Variants in AR observed in about 807,000 individuals in gnomAD.
AR encodes the protein dihydrotestosterone receptor.
A neutral mutation model predicts 53.9 loss-of-function variants in AR; 8 were observed. The observed-to-expected ratio is 0.15, with a 90% CI of 0.09 to 0.27. The LOEUF is 0.27. Ranked by LOEUF, AR falls within the 10% of genes least tolerant of loss-of-function variation. The probability of loss-of-function intolerance (pLI) is 1.00; values close to 1 mark genes in which losing one functional copy is unlikely to be tolerated. For synonymous variants in AR, 359 were observed against 316.4 expected, an observed-to-expected ratio of 1.13 and a Z score of -1.43; for missense variants, 639 against 742.5, an observed-to-expected ratio of 0.86 and a Z score of 1.62.
At chrX:67,710,368 A>T (rs1305442963) in intron 3 of AR, among the ~76,000 whole-genome samples, 1 of 111,305 alleles carries the variant, frequency 9.0e-6, no homozygotes, top group Non-Finnish European at 1.9e-5. Context: ...CACCCAGGCT[A>T]GAGCATCAGT....
rs7065472 is a variant in AR at position 67,711,773 on chromosome X, C to T, written c.2173+84C>T. On this transcript the variant is annotated intron_variant, in intron 4 of 7. Transcript: ENST00000374690. ...TATGGACCAGCCACCATGTCTGGTGCTTTTCTGCCCATTAACTCAGGCAGT... is the reference window on the plus strand; with the variant it reads ...TATGGACCAGCCACCATGTCTGGTGTTTTTCTGCCCATTAACTCAGGCAGT... 352 of 984,166 alleles carry T rather than the reference C, an allele frequency of 3.6e-4. 1 individual carries two copies. The African/African-American group carries it at 6.0e-3, about 17-fold the overall frequency. 81.1% of individuals were successfully genotyped at this position (984,166 alleles called of 1,213,427 possible). A position where few individuals can be genotyped will look rare whatever the true frequency, so the allele number is the denominator to read the frequency against.
At chrX:67,674,626 C>T (rs2075888314) in intron 2 of AR, among the ~76,000 whole-genome samples, 3 of 111,714 alleles carry the variant, frequency 2.7e-5, no homozygotes, top group African/African-American at 6.5e-5. Context: ...CCAATCTTCA[C>T]TCAAGGCCCA....
chrX:67,686,528 A>C (rs1003053677), intron 3 of AR, among the ~76,000 whole-genome samples: 1 of 110,881 alleles, frequency 9.0e-6, no homozygotes, highest in Non-Finnish European at 1.9e-5. Context: ...GCATAGGCGC[A>C]GGATGACCCA....
At chrX:67,577,898 A>G (rs1165657055) in intron 1 of AR, among the ~76,000 whole-genome samples, 1 of 111,713 alleles carries the variant, frequency 9.0e-6, no homozygotes, top group African/African-American at 3.3e-5. Flanking sequence ...CTTCACAGTT[A>G]TATGATGTTT....
intron 1 of AR, among the ~76,000 whole-genome samples, chrX:67,621,586 C>G (rs778148090): frequency 1.8e-5 from 2 of 110,705 alleles, no homozygotes; most frequent in African/African-American, 3.3e-5. Context: ...TCAGCTCCCC[C>G]TTATGAGTGA....
At chrX:67,572,139 A>G (rs1921843500) in intron 1 of AR, among the ~76,000 whole-genome samples, 1 of 111,837 alleles carries the variant, frequency 8.9e-6, no homozygotes, top group South Asian at 3.7e-4. Flanking sequence ...TGGATTTTTC[A>G]TATAGTAAAA....
chrX:67,611,701 T>C (rs1334541530), intron 1 of AR, among the ~76,000 whole-genome samples: 1 of 111,671 alleles, frequency 9.0e-6, no homozygotes, highest in African/African-American at 3.3e-5. Context: ...ATGTTAGAGC[T>C]AAAAGGGACC....
Position 67,546,502 on chromosome X carries a change from T to C in AR, c.1356T>C (p.Gly452=), listed in dbSNP as rs1383661319. 5 of 786,221 alleles carry C rather than the reference T, an allele frequency of 6.4e-6. No individual in the cohort carries two copies. The highest frequency in any genetic ancestry group is 8.3e-6 in the Non-Finnish European group (5 of 599,750). 64.8% of individuals were successfully genotyped at this position (786,221 alleles called of 1,213,427 possible). A position where few individuals can be genotyped will look rare whatever the true frequency, so the allele number is the denominator to read the frequency against. Residue 452 remains glycine, a synonymous_variant, in exon 1 of 8, where the codon GGT becomes GGC. Transcript: ENST00000374690. ...EEGQLYGPCG[G]GGGGGGGGGG... ...GCCAGTTGTATGGACCGTGTGGTGG[T>C]GGTGGGGGTGGTGGCGGCGGCGGCG... is the stretch of plus-strand genomic sequence containing the variant.
chrX:67,638,327 G>T (rs749999835), intron 1 of AR, among the ~76,000 whole-genome samples: 1 of 111,576 alleles, frequency 9.0e-6, no homozygotes, highest in South Asian at 3.8e-4. Context: ...ATAATCCTTT[G>T]TTTATATACC....
chrX:67,595,236 C>T (rs1371115057), intron 1 of AR, among the ~76,000 whole-genome samples: 1 of 110,643 alleles, frequency 9.0e-6, no homozygotes, highest in Non-Finnish European at 1.9e-5. Flanking sequence ...AGAGCTGTGT[C>T]ACAGCTAATT....
intron 1 of AR, among the ~76,000 whole-genome samples, chrX:67,617,148 G>C (rs12007252): frequency 0.069 from 7,706 of 111,232 alleles, 665 homozygotes; most frequent in African/African-American, 0.24. Context: ...CTGCCTTTTT[G>C]TTTGCTCTGT....
chrX:67,645,200 A>T (rs1390867317), intron 2 of AR, among the ~76,000 whole-genome samples: 1 of 112,189 alleles, frequency 8.9e-6, no homozygotes, highest in African/African-American at 3.2e-5. Flanking sequence ...GATAGATTAG[A>T]TTATACTTGA....
intron 1 of AR, among the ~76,000 whole-genome samples, chrX:67,547,825 G>A (rs1057280081): frequency 3.6e-5 from 4 of 111,702 alleles, no homozygotes; most frequent in African/African-American, 6.5e-5. Context: ...AATGACCTAT[G>A]AGCCGTAATC....
chrX:67,648,551 T>G (rs181017223), intron 2 of AR, among the ~76,000 whole-genome samples: 1 of 111,449 alleles, frequency 9.0e-6, no homozygotes, highest in Non-Finnish European at 1.9e-5. Context: ...ATTCTGGGCC[T>G]CCCCATAACA....
chrX:67,668,701 G>A (rs1264696528), intron 2 of AR, among the ~76,000 whole-genome samples: 2 of 110,894 alleles, frequency 1.8e-5, no homozygotes, highest in African/African-American at 3.3e-5. Context: ...TTTTACTGCT[G>A]GGGAGACTTT....
At chrX:67,699,551 C>G (rs999307973) in intron 3 of AR, among the ~76,000 whole-genome samples, 2 of 111,645 alleles carry the variant, frequency 1.8e-5, no homozygotes, top group Non-Finnish European at 3.8e-5. Flanking sequence ...TCAGGTACAT[C>G]AAGAATAGCC....
intron 5 of AR, 135 bp downstream of exon 5, chrX:67,717,757 C>A: frequency 1.0e-6 from 1 of 961,161 alleles, no homozygotes; most frequent in Non-Finnish European, 1.4e-6. Flanking sequence ...CCCCAGCCAG[C>A]CAATCCAGTA....
intron 4 of AR, among the ~76,000 whole-genome samples, chrX:67,716,139 C>A (rs774243325): frequency 2.7e-5 from 3 of 111,922 alleles, no homozygotes; most frequent in Non-Finnish European, 5.6e-5. Flanking sequence ...AGTGCCCACT[C>A]AAATACGTGG....
In AR at chrX:67,724,298, A is replaced by G. The variant is rs1356413054; in HGVS notation, c.*457A>G. The G allele has an allele frequency of 2.8e-5, 5 of 178,710 alleles. No individual in the cohort carries two copies. The highest frequency in any genetic ancestry group is 5.3e-5 in the Non-Finnish European group (5 of 94,852). The allele number at this position is 178,710 out of a possible 1,213,427, so 14.7% of individuals were successfully genotyped here. A position where few individuals can be genotyped will look rare whatever the true frequency, so the allele number is the denominator to read the frequency against. On this transcript the variant is annotated 3_prime_UTR_variant, in exon 8 of 8. Transcript: ENST00000374690. ...CAAACAAAAAAAAAAAGCAAAAACA[A>G]AACAAAAAATAAGCCAAAAAACCTT...
Sources: gnomAD v4.1 joint callset for allele counts (sites outside exome capture counted in the v4.1 genomes callset) on GRCh38, gnomAD v4.1.1 for gene constraint, MANE v1.5 for transcripts, NCBI Gene and HGNC (gene_info 2026-07-23, HGNC 2026-07-21) for gene names.